AGAP1: variants seen among roughly 807,000 people sequenced by gnomAD.
The protein encoded by AGAP1 is arf-GAP with GTPase, ANK repeat and PH domain-containing protein 1.
Under a neutral mutation model 105.3 loss-of-function variants are expected in AGAP1, and 29 were observed. The ratio of observed to expected loss-of-function variants is 0.28; its 90% CI spans 0.21 to 0.38. The LOEUF (loss-of-function observed/expected upper bound fraction) is 0.38, where lower values mean the gene tolerates loss of function less well. Among genes scored for constraint, AGAP1 ranks in the 10% least tolerant of loss-of-function variants. The pLI is 1.00. For synonymous variants in AGAP1, 509 were observed against 485.9 expected (o/e 1.05, Z -0.63); for missense variants, 998 against 1,165.1 (o/e 0.86, Z 2.09).
At chr2:235,651,232 G>A (rs371062071) in intron 1 of AGAP1, among the ~76,000 whole-genome samples, 4 of 143,540 alleles carry the variant, frequency 2.8e-5, no homozygotes, top group East Asian at 4.3e-4. Flanking sequence ...CACCCTTGCA[G>A]GCAGTGGTCA....
chr2:235,749,220 G>GA (rs71036291), intron 5 of AGAP1, among the ~76,000 whole-genome samples: 3 of 89,886 alleles, frequency 3.3e-5, no homozygotes, highest in African/African-American at 1.1e-4. Context: ...TAAAAAAAAA[G>GA]AAAAAAAAAG....
intron 6 of AGAP1, among the ~76,000 whole-genome samples, chr2:235,763,982 A>G (rs575082948): frequency 6.6e-6 from 1 of 152,220 alleles, no homozygotes; most frequent in Admixed American, 6.5e-5. Flanking sequence ...TGGTCTGAAG[A>G]TCTGTGTGTG....
In AGAP1 at chr2:236,044,353, G is replaced by A. The variant is rs923116020; in HGVS notation, c.1891+3512G>A. Among the ~76,000 whole-genome samples the A allele has an allele frequency of 6.6e-6, 1 of 152,138 alleles. No individual in the cohort carries two copies. Among genetic ancestry groups the A allele is most frequent in the African/African-American group, 2.4e-5 (1 of 41,420 alleles). ...GGCCCCTGAGAATCCTAGGGCTTGG[G>A]ACCCTCAGTGGCTCTCACCAGCAGG... is the stretch of plus-strand genomic sequence containing the variant. On this transcript the variant is annotated intron_variant, in intron 15 of 17. Coordinates refer to ENST00000304032, the MANE Select transcript of AGAP1 (RefSeq NM_001037131.3). The surrounding 1 kb of genome is among the most constrained non-coding windows in gnomAD (Gnocchi z 5.7).
chr2:235,846,946 G>T (rs1304188174), intron 9 of AGAP1, among the ~76,000 whole-genome samples: 1 of 152,214 alleles, frequency 6.6e-6, no homozygotes, highest in Admixed American at 6.5e-5. Flanking sequence ...CAGTTTTGAA[G>T]AGGGCCTGTG....
At chr2:235,922,399 A>G (rs988132554) in intron 11 of AGAP1, among the ~76,000 whole-genome samples, 2 of 152,204 alleles carry the variant, frequency 1.3e-5, no homozygotes, top group Non-Finnish European at 2.9e-5. Flanking sequence ...GAAAGTTCCT[A>G]TCGCCATCAC....
At chr2:235,950,703 TAAAG>T (rs1478441241) in intron 12 of AGAP1, among the ~76,000 whole-genome samples, 1 of 152,182 alleles carries the variant, frequency 6.6e-6, no homozygotes, top group Non-Finnish European at 1.5e-5. Context: ...GGGTTTTGCT[TAAAG>T]AAAGAGAGGA....
At chr2:235,511,333 C>T (rs190238854) in intron 1 of AGAP1, among the ~76,000 whole-genome samples, 4 of 152,114 alleles carry the variant, frequency 2.6e-5, no homozygotes, top group African/African-American at 7.2e-5. Flanking sequence ...CCCAGAGGGG[C>T]CCGCCCTCTC....
chr2:236,112,113 T>C (rs991455507), intron 16 of AGAP1, among the ~76,000 whole-genome samples: 37 of 151,932 alleles, frequency 2.4e-4, no homozygotes, highest in African/African-American at 7.0e-4. Flanking sequence ...GCCACAGAGA[T>C]TGAAATAAAA....
Position 235,747,336 on chromosome 2 carries a change from C to T in AGAP1, c.538+2497C>T, listed in dbSNP as rs1953038168. Among the ~76,000 whole-genome samples the T allele has an allele frequency of 6.6e-6, 1 of 152,164 alleles. No homozygotes were observed. The highest frequency in any genetic ancestry group is 2.4e-5 in the African/African-American group (1 of 41,442). The stretch of plus-strand genomic sequence containing the variant: ...CATTTATTCCCATGAATTCCATGAA[C>T]ATCCGTTGATCGGATGTGGAAAGAT... On this transcript the variant is annotated intron_variant, in intron 5 of 17. Transcript: ENST00000304032. This position sits in a 1 kb window ranked among gnomAD's most constrained non-coding sequence, Gnocchi z 5.0.
At chr2:236,015,797 G>T (rs2056680721) in intron 13 of AGAP1, among the ~76,000 whole-genome samples, 1 of 152,138 alleles carries the variant, frequency 6.6e-6, no homozygotes, top group Admixed American at 6.5e-5. Context: ...CTTATTTGGG[G>T]ATTATTATAA....
chr2:235,878,434 C>T (rs1293993489), intron 9 of AGAP1, among the ~76,000 whole-genome samples: 2 of 151,396 alleles, frequency 1.3e-5, no homozygotes, highest in African/African-American at 4.9e-5. Flanking sequence ...TTGGTGGCAG[C>T]ATGTTGGCCC....
intron 9 of AGAP1, among the ~76,000 whole-genome samples, chr2:235,841,172 C>T (rs1291874383): frequency 3.3e-5 from 5 of 152,010 alleles, no homozygotes; most frequent in Admixed American, 6.6e-5. Flanking sequence ...GTGTAGACAC[C>T]GCCTAGGAGA....
chr2:235,604,206 G>A (rs1945838588), intron 1 of AGAP1, among the ~76,000 whole-genome samples: 1 of 152,036 alleles, frequency 6.6e-6, no homozygotes, highest in Admixed American at 6.6e-5. Flanking sequence ...AAAAAGAATA[G>A]TGTGGCTCTT....
At chr2:236,106,925 G>A (rs560906179) in intron 16 of AGAP1, among the ~76,000 whole-genome samples, 2 of 152,258 alleles carry the variant, frequency 1.3e-5, no homozygotes, top group East Asian at 3.9e-4. Context: ...GGCTGCCCTG[G>A]CCTATGGTGC....
rs1238410345 is a variant in AGAP1 at position 235,965,465 on chromosome 2, A to G, written c.1484-2997A>G. 3.3e-5 allele frequency among the ~76,000 whole-genome samples: 5 copies of G among 152,202 alleles called. No homozygotes were observed. The highest frequency in any genetic ancestry group is 2.9e-5 in the Non-Finnish European group (2 of 68,034). ...GAAGGAAGCCAGACTTCAAGGAGTC[A>G]GGAAGAAACACAGTGGATTTAAACC... is the stretch of plus-strand genomic sequence containing the variant. On this transcript the variant is annotated intron_variant, in intron 12 of 17. Transcript: ENST00000304032. The surrounding 1 kb of genome is among the most constrained non-coding windows in gnomAD (Gnocchi z 5.8).
At chr2:235,968,733 C>A in intron 13 of AGAP1, 110 bp downstream of exon 13, 3 of 1,163,798 alleles carry the variant, frequency 2.6e-6, no homozygotes, top group Non-Finnish European at 3.6e-6. Context: ...CACAGTAATG[C>A]TGGTCACCGT....
chr2:235,757,182 A>C (rs1953998657), intron 6 of AGAP1, among the ~76,000 whole-genome samples: 2 of 151,512 alleles, frequency 1.3e-5, no homozygotes, highest in Non-Finnish European at 2.9e-5. Context: ...GATAAATTAC[A>C]AATTATCATC....
At chr2:235,966,764 T>C (rs1220071286) in intron 12 of AGAP1, among the ~76,000 whole-genome samples, 2 of 151,986 alleles carry the variant, frequency 1.3e-5, no homozygotes, top group Non-Finnish European at 2.9e-5. Context: ...CCCACAGCCC[T>C]CTTCTTCCAT....
rs1389532178 is a variant in AGAP1, at chr2:235,732,632, G to A, written c.311-8331G>A. 6.6e-6 allele frequency among the ~76,000 whole-genome samples: 1 copy of A among 152,042 alleles called. No individual in the cohort carries two copies. The highest frequency in any genetic ancestry group is 1.5e-5 in the Non-Finnish European group (1 of 68,010). On this transcript the variant is annotated intron_variant, in intron 3 of 17. Coordinates refer to ENST00000304032, the MANE Select transcript of AGAP1 (RefSeq NM_001037131.3). The surrounding 1 kb of genome is among the most constrained non-coding windows in gnomAD (Gnocchi z 4.8). ...CCGCCTTCCCATTTTCCCTGCTGGG[G>A]AGCCTTTGCATAATGTCCCCAGCCC...
Sources: allele counts gnomAD v4.1 joint callset (sites outside exome capture counted in the v4.1 genomes callset), GRCh38; gene constraint gnomAD v4.1.1; non-coding constraint Gnocchi (gnomAD v3.1); transcripts MANE v1.5; gene names NCBI Gene and HGNC (gene_info 2026-07-23, HGNC 2026-07-21).